The following GRM7 variants were observed in gnomAD, a reference collection of about 807,000 sequenced individuals.
GRM7 encodes metabotropic glutamate receptor 7.
GRM7 carries 35 observed loss-of-function variants against 84.5 expected under a neutral mutation model. The ratio of observed to expected loss-of-function variants is 0.41; its 90% confidence interval spans 0.32 to 0.55. The LOEUF (loss-of-function observed/expected upper bound fraction) is 0.55. Among genes scored for constraint, GRM7 ranks in the 20% least tolerant of loss-of-function variants. The probability of loss-of-function intolerance (pLI) is 0.19; values close to 1 mark genes in which losing one functional copy is unlikely to be tolerated. For missense variants in GRM7, 1,003 were observed against 1,194.6 expected (o/e 0.84, Z 2.36); for synonymous variants, 487 against 455.1 (o/e 1.07, Z -0.89).
At chr3:7,496,801 G>A (rs1330197335) in intron 7 of GRM7, among the ~76,000 whole-genome samples, 5 of 151,844 alleles carry the variant, frequency 3.3e-5, no homozygotes, top group Admixed American at 2.0e-4. Context: ...AGATATAGAT[G>A]TATGTGTGTG....
intron 3 of GRM7, among the ~76,000 whole-genome samples, chr3:7,303,189 C>T (rs916998054): frequency 3.9e-5 from 6 of 152,116 alleles, no homozygotes; most frequent in African/African-American, 1.4e-4. Context: ...ATCCACCTGC[C>T]TTGGCCTCCC....
intron 8 of GRM7, among the ~76,000 whole-genome samples, chr3:7,598,797 G>T (rs1041418551): frequency 6.6e-6 from 1 of 152,136 alleles, no homozygotes; most frequent in South Asian, 2.1e-4. Flanking sequence ...ATAAGTGTTT[G>T]CGTCAATAGT....
chr3:7,249,847 G>A (rs532547114), intron 2 of GRM7, among the ~76,000 whole-genome samples: 4 of 152,120 alleles, frequency 2.6e-5, no homozygotes, highest in Admixed American at 6.6e-5. Context: ...AAGTCATCAG[G>A]GGCCTGCACT....
At chr3:7,235,071 A>AT (rs1697306654) in intron 2 of GRM7, among the ~76,000 whole-genome samples, 1 of 152,200 alleles carries the variant, frequency 6.6e-6, no homozygotes, top group Non-Finnish European at 1.5e-5. Flanking sequence ...CCTCATTAGA[A>AT]TAAAAAAAGT....
chr3:7,457,772 A>G (rs1041413795), intron 6 of GRM7, among the ~76,000 whole-genome samples: 13 of 152,150 alleles, frequency 8.5e-5, no homozygotes, highest in African/African-American at 3.1e-4. Context: ...TGCTGGGAAG[A>G]AGCTTAGATG....
At chr3:7,591,610 A>G in intron 8 of GRM7, 1 of 354,988 alleles carries the variant, frequency 2.8e-6, no homozygotes, top group South Asian at 2.2e-5. Flanking sequence ...GTAGCTAACA[A>G]AAGGGAGGTG....
chr3:7,062,608 A>G (rs1697468046), intron 1 of GRM7, among the ~76,000 whole-genome samples: 1 of 151,926 alleles, frequency 6.6e-6, no homozygotes, highest in East Asian at 1.9e-4. Flanking sequence ...GGGTCAACCC[A>G]AGGCATAATT....
chr3:7,666,667 G>A (rs1699714335), intron 8 of GRM7, among the ~76,000 whole-genome samples: 1 of 152,152 alleles, frequency 6.6e-6, no homozygotes, highest in South Asian at 2.1e-4. Flanking sequence ...GTTATTAACT[G>A]GTTAAACATA....
At chr3:7,456,500 T>A (rs1438788888) in intron 6 of GRM7, among the ~76,000 whole-genome samples, 2 of 138,800 alleles carry the variant, frequency 1.4e-5, no homozygotes, top group Admixed American at 1.5e-4. Flanking sequence ...ATTTAAGAAT[T>A]ACGATATTCA....
intron 1 of GRM7, among the ~76,000 whole-genome samples, chr3:6,975,313 A>T (rs1385831592): frequency 6.6e-6 from 1 of 152,196 alleles, no homozygotes; most frequent in Non-Finnish European, 1.5e-5. Flanking sequence ...GAAAGGTCAC[A>T]AAGTAACTGC....
chr3:7,568,781 C>T (rs977230470), intron 7 of GRM7, among the ~76,000 whole-genome samples: 2 of 152,266 alleles, frequency 1.3e-5, no homozygotes, highest in South Asian at 2.1e-4. Flanking sequence ...CCAACAGTAC[C>T]GGCCCACTGG....
chr3:7,411,247 T>A (rs1695922949), intron 4 of GRM7, among the ~76,000 whole-genome samples: 2 of 152,202 alleles, frequency 1.3e-5, no homozygotes. Context: ...ATTTTCCAAA[T>A]AATTCACAAG....
intron 4 of GRM7, among the ~76,000 whole-genome samples, chr3:7,373,394 T>C (rs1694218001): frequency 6.6e-6 from 1 of 152,196 alleles, no homozygotes; most frequent in East Asian, 1.9e-4. Context: ...TGTGGACATA[T>C]AAATAAATCA....
At chr3:7,064,469 T>TATATATATATATATATATATATATATAC (rs1697557688) in intron 1 of GRM7, among the ~76,000 whole-genome samples, 2 of 82,172 alleles carry the variant, frequency 2.4e-5, no homozygotes, top group Non-Finnish European at 2.3e-5. Context: ...TATACATATA[T>TATATATATATATATATATATATATATAC]ATATATATAT....
At chr3:7,093,445 C>T (rs1157297941) in intron 1 of GRM7, among the ~76,000 whole-genome samples, 3 of 151,342 alleles carry the variant, frequency 2.0e-5, no homozygotes, top group Admixed American at 6.6e-5. Context: ...TTTGGGAGGC[C>T]GAAGCGGGTG....
At chr3:7,398,623 GTGTATATATA>G (rs964935504) in intron 4 of GRM7, among the ~76,000 whole-genome samples, 16 of 151,954 alleles carry the variant, frequency 1.1e-4, no homozygotes, top group Admixed American at 4.6e-4. Flanking sequence ...GGTTTTTTGT[GTGTATATATA>G]TGTATATATA....
At chr3:7,150,103 A>G (rs1025463260) in intron 2 of GRM7, among the ~76,000 whole-genome samples, 1 of 148,678 alleles carries the variant, frequency 6.7e-6, no homozygotes, top group Non-Finnish European at 1.5e-5. Context: ...GAGAGAGAGC[A>G]AGAAAGAGAG....
chr3:7,124,735 C>G (rs1383742426), intron 1 of GRM7, among the ~76,000 whole-genome samples: 1 of 151,972 alleles, frequency 6.6e-6, no homozygotes, highest in African/African-American at 2.4e-5. Flanking sequence ...GGGCTTTTTC[C>G]CCATCACAAT....
intron 5 of GRM7, among the ~76,000 whole-genome samples, chr3:7,419,701 A>G (rs1696317399): frequency 6.6e-6 from 1 of 152,164 alleles, no homozygotes; most frequent in South Asian, 2.1e-4. Flanking sequence ...ATGAAATACC[A>G]CTTGGTGAAT....
Sources: allele counts gnomAD v4.1 joint callset (sites outside exome capture counted in the v4.1 genomes callset), GRCh38; gene constraint gnomAD v4.1.1; transcripts MANE v1.5; gene names NCBI Gene and HGNC (gene_info 2026-07-23, HGNC 2026-07-21).